ZFAT: variants seen among roughly 807,000 people sequenced by gnomAD.
ZFAT encodes zinc finger and AT-hook domain containing.
A neutral mutation model predicts 117.7 loss-of-function variants in ZFAT; 64 were observed. The ratio of observed to expected loss-of-function variants is 0.54; its 90% CI spans 0.44 to 0.67. The LOEUF (loss-of-function observed/expected upper bound fraction) is 0.67. Ranked by LOEUF, ZFAT falls within the 30% of genes least tolerant of loss-of-function variation. The pLI, the probability that ZFAT is intolerant of heterozygous loss-of-function variation, is 0.00. For synonymous variants in ZFAT, 679 were observed against 615.0 expected (o/e 1.10, Z -1.54); for missense variants, 1,433 against 1,584.5 (o/e 0.90, Z 1.62).
the ZFAT span, among the ~76,000 whole-genome samples, chr8:134,760,695 A>G: frequency 6.6e-6 from 1 of 152,252 alleles, no homozygotes; most frequent in African/African-American, 2.4e-5. Context: ...ACTATTCATT[A>G]ACAAACATTT....
intron 12 of ZFAT, among the ~76,000 whole-genome samples, chr8:134,525,469 T>C (rs1477869652): frequency 6.6e-6 from 1 of 152,214 alleles, no homozygotes; most frequent in Non-Finnish European, 1.5e-5. Flanking sequence ...TCTGTCCTGA[T>C]ATCAAGGTTG....
the ZFAT span, among the ~76,000 whole-genome samples, chr8:134,756,864 G>A: frequency 7.8e-4 from 119 of 152,322 alleles, no homozygotes; most frequent in African/African-American, 2.7e-3. Context: ...TTCCACTGTG[G>A]CCACAGAATC....
the ZFAT span, among the ~76,000 whole-genome samples, chr8:134,788,234 A>G: frequency 6.6e-6 from 1 of 152,068 alleles, no homozygotes; most frequent in Non-Finnish European, 1.5e-5. Context: ...ATTGACTTTC[A>G]GCCTTGCTTC....
intron 11 of ZFAT, among the ~76,000 whole-genome samples, chr8:134,561,203 A>G (rs973278406): frequency 2.5e-4 from 38 of 152,254 alleles, no homozygotes; most frequent in African/African-American, 8.7e-4. Context: ...CACTATGATA[A>G]TCATCCTTAA....
the ZFAT span, chr8:134,794,762 G>A: frequency 4.6e-5 from 7 of 152,204 alleles, no homozygotes; most frequent in African/African-American, 1.7e-4. Context: ...AAAAACACAC[G>A]TTAATTAACT....
At chr8:134,606,956 A>G (rs747288555) in intron 5 of ZFAT, among the ~76,000 whole-genome samples, 32 of 152,174 alleles carry the variant, frequency 2.1e-4, no homozygotes, top group Non-Finnish European at 4.3e-4. Context: ...GTTATGAGAG[A>G]AGAATTATAT....
rs111233731 is a variant in ZFAT, at chr8:134,635,648, G to GGAGAGA, written c.448+1807_448+1812dup. ...GAGAGAGAGAGAGTCAGGGAGAGAG[G>GGAGAGA]GAGAGAGAGAGAGAGACAGGGAGAG... On this transcript the variant is annotated intron_variant, in intron 3 of 15. Coordinates refer to ENST00000377838, the MANE Select transcript of ZFAT (RefSeq NM_020863.4). Among the ~76,000 whole-genome samples the GGAGAGA allele has an allele frequency of 1.2e-3, 175 of 149,690 alleles. No homozygotes were observed. The Middle Eastern group carries it at 0.014, about 12-fold the overall frequency.
At chr8:134,572,332 T>C (rs1425813282) in intron 10 of ZFAT, among the ~76,000 whole-genome samples, 1 of 152,244 alleles carries the variant, frequency 6.6e-6, no homozygotes, top group Non-Finnish European at 1.5e-5. Flanking sequence ...ATGAACATTG[T>C]TTTCGTGCTG....
chr8:134,512,617 G>T lies in ZFAT; in HGVS notation c.3235-16C>A, dbSNP rs767483167. On this transcript the variant is annotated splice_polypyrimidine_tract_variant and intron_variant, in intron 13 of 15. Transcript: ENST00000377838. ...CTGTTGCTGTCTAAATAAAAACATAGTACCTAAGTCATCTCCTAAAAGATT... is the reference window on the plus strand; with the variant it reads ...CTGTTGCTGTCTAAATAAAAACATATTACCTAAGTCATCTCCTAAAAGATT... 6 of 1,610,398 alleles carry T rather than the reference G, an allele frequency of 3.7e-6. No individual in the cohort carries two copies. The African/African-American group carries it at 8.0e-5, about 22-fold the overall frequency.
chr8:134,544,904 A>G (rs1219514442), intron 11 of ZFAT, among the ~76,000 whole-genome samples: 2 of 152,182 alleles, frequency 1.3e-5, no homozygotes, highest in Non-Finnish European at 2.9e-5. Context: ...ATCACCTAGC[A>G]AAGCTGAAGC....
intron 7 of ZFAT, among the ~76,000 whole-genome samples, 190 bp from the exon 8 acceptor site, chr8:134,590,545 C>T (rs1826393315): frequency 6.9e-6 from 1 of 145,178 alleles, no homozygotes; most frequent in African/African-American, 2.5e-5. Context: ...GCACTATCAA[C>T]AGTCATCACC....
the ZFAT span, among the ~76,000 whole-genome samples, chr8:134,770,710 C>T: frequency 6.6e-6 from 1 of 152,228 alleles, no homozygotes; most frequent in African/African-American, 2.4e-5. Context: ...TATTTCTCTT[C>T]TTTCAAAAGC....
At chr8:134,820,030 T>C in the ZFAT span, among the ~76,000 whole-genome samples, 4 of 152,196 alleles carry the variant, frequency 2.6e-5, no homozygotes, top group African/African-American at 4.8e-5. Context: ...TTCTGGATAA[T>C]AGAGAAACAG....
the ZFAT span, among the ~76,000 whole-genome samples, chr8:134,746,790 T>C: frequency 6.6e-6 from 1 of 152,362 alleles, no homozygotes; most frequent in African/African-American, 2.4e-5. Flanking sequence ...TATTTAAGGT[T>C]GTTATGACAA....
At chr8:134,586,785 G>T (rs1826097262) in intron 9 of ZFAT, among the ~76,000 whole-genome samples, 1 of 152,232 alleles carries the variant, frequency 6.6e-6, no homozygotes, top group Non-Finnish European at 1.5e-5. Flanking sequence ...TCTGAAACAA[G>T]TCAGTTCAGA....
At chr8:134,551,680 C>G (rs1369238964) in intron 11 of ZFAT, among the ~76,000 whole-genome samples, 1 of 152,208 alleles carries the variant, frequency 6.6e-6, no homozygotes, top group East Asian at 1.9e-4. Flanking sequence ...CTTTCACTTC[C>G]TTGCTGACAA....
At chr8:134,830,575 G>A in the ZFAT span, among the ~76,000 whole-genome samples, 1 of 152,186 alleles carries the variant, frequency 6.6e-6, no homozygotes, top group Non-Finnish European at 1.5e-5. Flanking sequence ...CGAGACTGCT[G>A]GTTAACACCA....
chr8:134,557,870 C>T (rs942251211), intron 11 of ZFAT, among the ~76,000 whole-genome samples: 6 of 152,204 alleles, frequency 3.9e-5, no homozygotes, highest in Non-Finnish European at 7.3e-5. Context: ...GGCACACACA[C>T]AGACACAAAA....
chr8:134,530,444 A>AT (rs1426173244), intron 12 of ZFAT, among the ~76,000 whole-genome samples: 7 of 152,238 alleles, frequency 4.6e-5, no homozygotes, highest in Admixed American at 4.6e-4. Flanking sequence ...TCTCCTAGAC[A>AT]TAAGAACAAT....
Sources: gnomAD v4.1 joint callset for allele counts (sites outside exome capture counted in the v4.1 genomes callset) on GRCh38, gnomAD v4.1.1 for gene constraint, MANE v1.5 for transcripts, NCBI Gene and HGNC (gene_info 2026-07-23, HGNC 2026-07-21) for gene names.